Variants in CDCP1 observed in about 807,000 individuals in gnomAD.
CDCP1 encodes CUB domain-containing protein 1.
Under a neutral mutation model 60.2 loss-of-function variants are expected in CDCP1, and 29 were observed. The ratio of observed to expected loss-of-function variants is 0.48; its 90% CI spans 0.36 to 0.66. The LOEUF (loss-of-function observed/expected upper bound fraction) is 0.66. CDCP1 is among the 30% of genes least tolerant of loss of function. The pLI is 0.00. For missense variants in CDCP1, 876 were observed against 1,074.3 expected, an observed-to-expected ratio of 0.82 and a Z score of 2.58; for synonymous variants, 387 against 431.1, an observed-to-expected ratio of 0.90 and a Z score of 1.27.
chr3:45,114,759 G>A (rs1214582685), intron 2 of CDCP1, among the ~76,000 whole-genome samples: 1 of 152,206 alleles, frequency 6.6e-6, no homozygotes, highest in Admixed American at 6.5e-5. Flanking sequence ...GATGAGAATG[G>A]AGACATCAAA....
chr3:45,094,728 G>T (rs1698365422), intron 5 of CDCP1, among the ~76,000 whole-genome samples: 1 of 151,728 alleles, frequency 6.6e-6, no homozygotes. Context: ...GGGGGGATGG[G>T]GATGGGAGAG....
At chr3:45,142,580 T>C (rs1357981259) in intron 1 of CDCP1, among the ~76,000 whole-genome samples, 1 of 152,074 alleles carries the variant, frequency 6.6e-6, no homozygotes, top group Non-Finnish European at 1.5e-5. Context: ...CACTGATGGC[T>C]GGAAAGCACA....
At chr3:45,143,742 C>T (rs115293146) in intron 1 of CDCP1, among the ~76,000 whole-genome samples, 3,530 of 152,212 alleles carry the variant, frequency 0.023, 124 homozygotes, top group African/African-American at 0.078. Flanking sequence ...ACATGCAAGG[C>T]GTGCAACCAT....
intron 2 of CDCP1, among the ~76,000 whole-genome samples, chr3:45,114,677 T>C (rs1235891220): frequency 6.6e-5 from 10 of 152,134 alleles, no homozygotes; most frequent in Admixed American, 6.5e-4. Context: ...CCTCCCAGAG[T>C]GCTGGGATTA....
intron 8 of CDCP1, among the ~76,000 whole-genome samples, chr3:45,087,481 T>A (rs1214389796): frequency 6.6e-6 from 1 of 152,186 alleles, no homozygotes; most frequent in Non-Finnish European, 1.5e-5. Flanking sequence ...GTTAATGCCA[T>A]GCTTCCCCAA....
intron 4 of CDCP1, among the ~76,000 whole-genome samples, chr3:45,102,192 C>T (rs1010213676): frequency 7.9e-5 from 12 of 151,958 alleles, no homozygotes; most frequent in African/African-American, 2.9e-4. Context: ...CTGCCTCAGC[C>T]TCCTGAGTAG....
intron 5 of CDCP1, among the ~76,000 whole-genome samples, chr3:45,094,793 G>C (rs1698367158): frequency 6.6e-6 from 1 of 152,088 alleles, no homozygotes; most frequent in South Asian, 2.1e-4. Flanking sequence ...AGATTGGAAG[G>C]CTGGGCAGAG....
chr3:45,103,246 G>A (rs1289376330), intron 4 of CDCP1, among the ~76,000 whole-genome samples: 1 of 152,116 alleles, frequency 6.6e-6, no homozygotes, highest in South Asian at 2.1e-4. Flanking sequence ...ATACTCTTTT[G>A]TCTCTGGCTT....
At chr3:45,087,269 C>T (rs1698211501) in intron 8 of CDCP1, among the ~76,000 whole-genome samples, 2 of 152,204 alleles carry the variant, frequency 1.3e-5, no homozygotes, top group Admixed American at 1.3e-4. Context: ...TCTCACTGCA[C>T]AACCTGTCCA....
intron 1 of CDCP1, among the ~76,000 whole-genome samples, chr3:45,144,432 C>T (rs558859334): frequency 6.6e-6 from 1 of 151,986 alleles, no homozygotes. Flanking sequence ...TTCCTGAGAC[C>T]ATAGGGAGGA....
chr3:45,118,985 A>G (rs956868413), intron 1 of CDCP1, among the ~76,000 whole-genome samples: 1 of 152,212 alleles, frequency 6.6e-6, no homozygotes, highest in African/African-American at 2.4e-5. Flanking sequence ...ACAGTAGAAC[A>G]AAGTCTACAC....
intron 1 of CDCP1, among the ~76,000 whole-genome samples, chr3:45,122,144 A>ATTT (rs145595755): frequency 6.5e-5 from 9 of 138,306 alleles, no homozygotes; most frequent in African/African-American, 1.3e-4. Context: ...TATAATCTGT[A>ATTT]TTTTTTTTTT....
intron 2 of CDCP1, among the ~76,000 whole-genome samples, chr3:45,118,155 A>C (rs1457743208): frequency 6.6e-6 from 1 of 152,216 alleles, no homozygotes; most frequent in Non-Finnish European, 1.5e-5. Context: ...TCTTCTGCTT[A>C]CTAGTTGTGC....
At chr3:45,120,879 C>T (rs987796453) in intron 1 of CDCP1, among the ~76,000 whole-genome samples, 1 of 144,172 alleles carries the variant, frequency 6.9e-6, no homozygotes, top group African/African-American at 2.6e-5. Context: ...TCAGAGTGGC[C>T]TTCCCTGACC....
At chr3:45,096,623 CAAAA>C (rs5848726) in intron 4 of CDCP1, among the ~76,000 whole-genome samples, 3 of 53,180 alleles carry the variant, frequency 5.6e-5, no homozygotes, top group Non-Finnish European at 9.7e-5. Flanking sequence ...GACTCCGTCT[CAAAA>C]AAAAAAAAAA....
intron 1 of CDCP1, among the ~76,000 whole-genome samples, chr3:45,121,442 T>C (rs1203656205): frequency 1.3e-5 from 2 of 152,112 alleles, no homozygotes; most frequent in African/African-American, 4.8e-5. Context: ...GTGTTATTTG[T>C]AAAAAAAATT....
chr3:45,093,328 G>A lies in CDCP1; in HGVS notation c.1576C>T (p.Gln526Ter). ...GTCAGACCCTGCCTGGAGGCCTCTT[G>A]TTGGAAGCTGGGGGCAAAGGTGCGA... ...TLRTFAPSFQQEASRQGLTVS... is the reference protein window; with the variant it reads ...TLRTFAPSFQ The change falls in exon 6 of 9, where the codon CAA (glutamine) becomes TAA (stop). Residue 526 changes from glutamine to a stop codon, truncating the protein, a stop_gained. Coordinates refer to ENST00000296129, the MANE Select transcript of CDCP1 (RefSeq NM_022842.5). LOFTEE classifies it high-confidence loss of function. 1 of 1,614,212 alleles carries A rather than the reference G, an allele frequency of 6.2e-7. No homozygotes were observed. Among genetic ancestry groups the A allele is most frequent in the East Asian group, 2.2e-5 (1 of 44,878 alleles).
At chr3:45,108,328 C>T (rs909414032) in intron 4 of CDCP1, among the ~76,000 whole-genome samples, 25 of 152,230 alleles carry the variant, frequency 1.6e-4, no homozygotes, top group Admixed American at 2.0e-4. Flanking sequence ...CCACTCACTC[C>T]GCTAGAAACA....
chr3:45,086,672 A>T (rs6441887), intron 8 of CDCP1, among the ~76,000 whole-genome samples: 60,866 of 152,136 alleles, frequency 0.4, 12,734 homozygotes, highest in Middle Eastern at 0.52. Context: ...CACCCCCAAC[A>T]GAGGAAAGAG....
Sources: gnomAD v4.1 joint callset for allele counts (sites outside exome capture counted in the v4.1 genomes callset) on GRCh38, gnomAD v4.1.1 for gene constraint, MANE v1.5 for transcripts, NCBI Gene and HGNC (gene_info 2026-07-23, HGNC 2026-07-21) for gene names.